The following ASPH variants were observed in gnomAD, a reference collection of about 807,000 sequenced individuals.
The protein encoded by ASPH is aspartate beta-hydroxylase, also known as aspartyl/asparaginyl beta-hydroxylase.
Under a neutral mutation model 118.4 loss-of-function variants are expected in ASPH, and 100 were observed. The observed-to-expected ratio is 0.84, with a 90% CI of 0.72 to 1.00. ASPH has a LOEUF of 1.00. Ranked by LOEUF, ASPH falls within the 50% of genes least tolerant of loss-of-function variation. ASPH has a pLI of 0.00. For missense variants in ASPH, 920 were observed against 919.5 expected, an observed-to-expected ratio of 1.00 and a Z score of -0.01; for synonymous variants, 315 against 325.6, an observed-to-expected ratio of 0.97 and a Z score of 0.35.
chr8:61,612,030 GA>G (rs149275503), intron 14 of ASPH, among the ~76,000 whole-genome samples: 33,726 of 140,240 alleles, frequency 0.24, 3,913 homozygotes, highest in South Asian at 0.37. Context: ...CCAGTCTCAG[GA>G]AAAAAAAAAA....
At chr8:61,664,803 A>G in intron 3 of ASPH, 5 of 988,124 alleles carry the variant, frequency 5.1e-6, no homozygotes, top group Non-Finnish European at 6.0e-6. Flanking sequence ...TCCACGAAAG[A>G]GAAAAACAGG....
Position 61,562,827 on chromosome 8 carries a change from T to G in ASPH, c.1354A>C (p.Asn452His), listed in dbSNP as rs758171923. Residue 452 changes from asparagine to histidine, a missense_variant, in exon 18 of 25, where the codon AAT (asparagine) becomes CAT (histidine). Transcript: ENST00000379454. ...AGGTCATTTTTTAAGGAAGTATCAT[T>G]GGGAAATAGTTGAACTAATCTCTGC... ...TLQRLVQLFP[N>H]DTSLKNDLGV... 1 of 1,612,972 alleles carries G rather than the reference T, an allele frequency of 6.2e-7. No individual in the cohort carries two copies. Among genetic ancestry groups the G allele is most frequent in the South Asian group, 1.1e-5 (1 of 90,878 alleles).
chr8:61,706,005 A>T (rs1342773985), intron 1 of ASPH, among the ~76,000 whole-genome samples: 4 of 152,216 alleles, frequency 2.6e-5, no homozygotes, highest in African/African-American at 9.6e-5. Context: ...AAGTTTCATT[A>T]AAAAATGTTA....
intron 14 of ASPH, among the ~76,000 whole-genome samples, chr8:61,608,216 G>A (rs538236318): frequency 3.9e-5 from 6 of 152,338 alleles, no homozygotes; most frequent in Middle Eastern, 3.4e-3. Context: ...GAGGGCAACT[G>A]AGAATTTGTT....
intron 21 of ASPH, among the ~76,000 whole-genome samples, chr8:61,531,988 T>C (rs1817749135): frequency 6.6e-6 from 1 of 152,220 alleles, no homozygotes; most frequent in Admixed American, 6.5e-5. Flanking sequence ...TAAATAATGC[T>C]GTAATAAACA....
intron 24 of ASPH, 43 bp downstream of exon 24, chr8:61,517,485 T>C: frequency 6.3e-7 from 1 of 1,599,378 alleles, no homozygotes; most frequent in South Asian, 1.1e-5. Flanking sequence ...CAAACTCTCA[T>C]CCTCTGAGGT....
chr8:61,609,444 C>G (rs550183959), intron 14 of ASPH, among the ~76,000 whole-genome samples: 1 of 152,082 alleles, frequency 6.6e-6, no homozygotes, highest in African/African-American at 2.4e-5. Context: ...CACTGCTGAC[C>G]GGGCATGGTA....
chr8:61,703,971 G>A (rs910644806), intron 1 of ASPH, among the ~76,000 whole-genome samples: 9 of 151,856 alleles, frequency 5.9e-5, no homozygotes, highest in South Asian at 2.1e-4. Flanking sequence ...CGAGGCGGGC[G>A]GATCACGAGG....
intron 3 of ASPH, among the ~76,000 whole-genome samples, chr8:61,673,075 A>G (rs1823416692): frequency 6.6e-6 from 1 of 152,190 alleles, no homozygotes; most frequent in Non-Finnish European, 1.5e-5. Flanking sequence ...ACTAAATAAA[A>G]ATAATTCAAA....
intron 3 of ASPH, chr8:61,662,930 T>A: frequency 2.0e-6 from 2 of 985,212 alleles, no homozygotes; most frequent in South Asian, 9.4e-5. Context: ...ATTTATGTAT[T>A]TTCTGCCACA....
intron 14 of ASPH, among the ~76,000 whole-genome samples, chr8:61,614,129 CTT>C (rs915803687): frequency 6.6e-6 from 1 of 151,646 alleles, no homozygotes; most frequent in African/African-American, 2.4e-5. Context: ...CTGATTATGA[CTT>C]TAAAAAAAAA....
chr8:61,639,516 G>C (rs1267679460), intron 10 of ASPH, among the ~76,000 whole-genome samples: 1 of 151,982 alleles, frequency 6.6e-6, no homozygotes, highest in Admixed American at 6.6e-5. Flanking sequence ...TTGGTTTTTC[G>C]TTTCTCCCAC....
At chr8:61,668,135 T>G (rs1053556997) in intron 3 of ASPH, 2 of 1,225,172 alleles carry the variant, frequency 1.6e-6, no homozygotes, top group Non-Finnish European at 2.3e-6. Context: ...AGCAATAGTG[T>G]TTAGCATTAG....
chr8:61,507,076 A>C (rs974018535), intron 24 of ASPH, among the ~76,000 whole-genome samples: 1 of 152,204 alleles, frequency 6.6e-6, no homozygotes, highest in Admixed American at 6.5e-5. Context: ...ACGTATAACA[A>C]AGCCAAAGAT....
chr8:61,577,864 C>T (rs7827668), intron 15 of ASPH, among the ~76,000 whole-genome samples: 126,905 of 152,108 alleles, frequency 0.83, 53,520 homozygotes, highest in African/African-American at 0.91. Context: ...TGAGATGGGA[C>T]TTGGGTGGGG....
rs755125253 is a variant in ASPH at position 61,548,206 on chromosome 8, T to C, written c.1629A>G (p.Ala543=). The change falls in exon 21 of 25, where the codon GCA becomes GCG. Residue 543 remains alanine (A), a splice_region_variant and synonymous_variant. Transcript: ENST00000379454. ...DAMQRVGNKE[A]YKWYELGHKR... The stretch of plus-strand genomic sequence containing the variant: ...TGTGCCCAAGCTCATACCACTTATA[T>C]GCCTGAAGGAACAGAAAGAATGTGC... 9 of 1,612,484 alleles carry C rather than the reference T, an allele frequency of 5.6e-6. No individual in the cohort carries two copies. The Admixed American group carries it at 8.4e-5, about 15-fold the overall frequency.
At chr8:61,690,085 G>A (rs1832184260) in intron 1 of ASPH, among the ~76,000 whole-genome samples, 1 of 152,234 alleles carries the variant, frequency 6.6e-6, no homozygotes, top group East Asian at 1.9e-4. Context: ...AGGCTTTAAC[G>A]GCTTTAGCTT....
intron 21 of ASPH, among the ~76,000 whole-genome samples, chr8:61,530,591 AT>A (rs11290863): frequency 0.28 from 42,440 of 152,048 alleles, 8,295 homozygotes; most frequent in African/African-American, 0.53. Flanking sequence ...ATTAAGTCCT[AT>A]TTTTAAAATC....
chr8:61,680,896 T>A, intron 3 of ASPH, 72 bp downstream of exon 3: 2 of 1,312,306 alleles, frequency 1.5e-6, no homozygotes, highest in Non-Finnish European at 2.1e-6. Flanking sequence ...TTGAGATAGA[T>A]ATTATTAAAG....
Sources: allele counts gnomAD v4.1 joint callset (sites outside exome capture counted in the v4.1 genomes callset), GRCh38; gene constraint gnomAD v4.1.1; transcripts MANE v1.5; gene names NCBI Gene and HGNC (gene_info 2026-07-23, HGNC 2026-07-21).